The following LCORL variants were observed in gnomAD, a reference collection of about 807,000 sequenced individuals.
The protein encoded by LCORL is ligand-dependent nuclear receptor corepressor-like protein.
Under a neutral mutation model 141.8 loss-of-function variants are expected in LCORL, and 41 were observed. The ratio of observed to expected loss-of-function variants is 0.29; its 90% CI spans 0.23 to 0.38. LCORL has a LOEUF of 0.38. Among genes scored for constraint, LCORL ranks in the 10% least tolerant of loss-of-function variants. The pLI, the probability that LCORL is intolerant of heterozygous loss-of-function variation, is 1.00. For synonymous variants in LCORL, 618 were observed against 694.1 expected (o/e 0.89, Z 1.72); for missense variants, 1,759 against 2,035.0 (o/e 0.86, Z 2.61).
intron 1 of LCORL, among the ~76,000 whole-genome samples, chr4:17,974,412 T>G (rs1716549583): frequency 6.6e-6 from 1 of 152,164 alleles, no homozygotes; most frequent in Admixed American, 6.6e-5. Context: ...GTCAACTTTA[T>G]TGAGGTATAA....
At chr4:17,904,137 T>C (rs16896001) in intron 5 of LCORL, among the ~76,000 whole-genome samples, 5,805 of 152,138 alleles carry the variant, frequency 0.038, 371 homozygotes, top group African/African-American at 0.13. Context: ...TAAATACTTA[T>C]TCACTCAGAG....
intron 4 of LCORL, among the ~76,000 whole-genome samples, chr4:17,948,839 G>A (rs1739287243): frequency 1.3e-5 from 2 of 151,968 alleles, no homozygotes; most frequent in South Asian, 4.2e-4. Flanking sequence ...ATTTTCAGAG[G>A]AGTAAAGAGA....
exon 8 of LCORL, chr4:17,842,448 C>CTAA: frequency 2.3e-6 from 3 of 1,289,236 alleles, no homozygotes; most frequent in Non-Finnish European, 3.4e-6. Flanking sequence ...TAGAAAAAAA[C>CTAA]TAATTTTCTT....
At chr4:17,902,753 A>C (rs928187144) in intron 5 of LCORL, among the ~76,000 whole-genome samples, 1 of 152,086 alleles carries the variant, frequency 6.6e-6, no homozygotes, top group Non-Finnish European at 1.5e-5. Context: ...ATAGTCTCTC[A>C]AATAGTCACT....
At chr4:18,019,199 C>T (rs13112545) in intron 1 of LCORL, among the ~76,000 whole-genome samples, 30,868 of 152,058 alleles carry the variant, frequency 0.2, 3,969 homozygotes, top group African/African-American at 0.36. Context: ...ATTATCTGGG[C>T]GTGGTGGCGG....
intron 4 of LCORL, among the ~76,000 whole-genome samples, chr4:17,950,180 T>C (rs548702060): frequency 2.0e-5 from 3 of 152,272 alleles, no homozygotes; most frequent in African/African-American, 4.8e-5. Context: ...AAGGAAGCAA[T>C]GCTTATTTTA....
chr4:17,965,329 C>G (rs558954728), intron 2 of LCORL, among the ~76,000 whole-genome samples: 1 of 152,048 alleles, frequency 6.6e-6, no homozygotes, highest in African/African-American at 2.4e-5. Flanking sequence ...AAAATCAACT[C>G]TAGGCCAGAT....
At chr4:17,889,356 A>G (rs1239956855) in intron 5 of LCORL, among the ~76,000 whole-genome samples, 1 of 152,090 alleles carries the variant, frequency 6.6e-6, no homozygotes, top group African/African-American at 2.4e-5. Context: ...GTTTTATTCT[A>G]AAAGGATTTG....
exon 7 of LCORL, chr4:17,877,849 C>T (rs921681242): frequency 4.9e-6 from 6 of 1,230,526 alleles, no homozygotes; most frequent in East Asian, 3.2e-5. Context: ...ACTGGCTTAA[C>T]GTGTTCAACA....
rs778784454 is a variant in LCORL, at chr4:17,865,673, A to G, written c.5602+7715T>C. Among the ~76,000 whole-genome samples the G allele has an allele frequency of 2.6e-4, 40 of 152,272 alleles. 1 individual carries two copies. Among genetic ancestry groups the G allele is most frequent in the Non-Finnish European group, 4.8e-4 (33 of 68,052 alleles). ...AGTAAATAATCTTCCTTCTACCACT[A>G]TAACACTTACACTCTATTACCAGTG... On this transcript the variant is annotated intron_variant, in intron 7 of 7. Transcript: ENST00000635767.
chr4:17,887,539 A>G (rs35316206), intron 5 of LCORL, among the ~76,000 whole-genome samples: 5 of 152,280 alleles, frequency 3.3e-5, no homozygotes, highest in South Asian at 2.1e-4. Context: ...GTGATATGGA[A>G]CCATGTCTGG....
At chr4:18,019,375 T>C (rs1011316280) in intron 1 of LCORL, among the ~76,000 whole-genome samples, 7 of 152,286 alleles carry the variant, frequency 4.6e-5, no homozygotes, top group Non-Finnish European at 8.8e-5. Context: ...AGACAGGTTT[T>C]AATAGGGCTT....
At chr4:17,948,836 G>A (rs1739286899) in intron 4 of LCORL, among the ~76,000 whole-genome samples, 1 of 152,040 alleles carries the variant, frequency 6.6e-6, no homozygotes, top group Admixed American at 6.6e-5. Context: ...ACAATTTTCA[G>A]AGGAGTAAAG....
At chr4:17,908,708 GATAA>G (rs1414165074) in intron 5 of LCORL, among the ~76,000 whole-genome samples, 2 of 151,986 alleles carry the variant, frequency 1.3e-5, no homozygotes, top group African/African-American at 2.4e-5. Context: ...ACAACTGGAA[GATAA>G]ATAATCTATT....
intron 1 of LCORL, among the ~76,000 whole-genome samples, chr4:18,019,207 C>T (rs922367723): frequency 2.0e-5 from 3 of 152,186 alleles, no homozygotes; most frequent in Admixed American, 6.5e-5. Flanking sequence ...GGCGTGGTGG[C>T]GGACGCCTGT....
In LCORL at chr4:17,876,580, A is replaced by C. The variant is rs916923940; in HGVS notation, c.2410T>G (p.Ser804Ala). 16 of 1,230,574 alleles carry C rather than the reference A, an allele frequency of 1.3e-5. No homozygotes were observed. The Admixed American group carries it at 4.2e-4, about 33-fold the overall frequency. 76.2% of individuals were successfully genotyped at this position (1,230,574 alleles called of 1,614,324 possible). The change falls in exon 7 of 8, where the codon TCC (serine) becomes GCC (alanine). Residue 804 changes from serine to alanine, a missense_variant. By Grantham distance (99) the Ser-to-Ala change is moderately conservative. Around this residue, in one of 5 missense-constraint regions of LCORL, gnomAD observed 1,311 missense variants for 1,531.3 expected, o/e 0.86. Transcript: ENST00000635767. ...TTCACTGGATCGTTTTTTGTTGTGG[A>C]TTCGGATACTTTTTTGGCTTTAGGG... is the stretch of plus-strand genomic sequence containing the variant.
At chr4:18,000,016 A>G (rs1721658623) in intron 1 of LCORL, among the ~76,000 whole-genome samples, 1 of 152,220 alleles carries the variant, frequency 6.6e-6, no homozygotes, top group South Asian at 2.1e-4. Context: ...AAAAACTTTT[A>G]GCACAATTTG....
At chr4:17,881,589 T>G in intron 6 of LCORL, 13 of 980,462 alleles carry the variant, frequency 1.3e-5, no homozygotes, top group Non-Finnish European at 1.6e-5. Context: ...AGCAAAATGA[T>G]CCCTGATTTA....
chr4:17,963,417 A>C (rs913925573), intron 2 of LCORL, among the ~76,000 whole-genome samples: 2 of 151,974 alleles, frequency 1.3e-5, no homozygotes, highest in African/African-American at 2.4e-5. Flanking sequence ...GGAGGAAATA[A>C]ACTTTGCACA....
Sources: gnomAD v4.1 joint callset for allele counts (sites outside exome capture counted in the v4.1 genomes callset) on GRCh38, gnomAD v4.1.1 for gene constraint, gnomAD v4.1.1 regional missense constraint, MANE v1.5 for transcripts, NCBI Gene and HGNC (gene_info 2026-07-23, HGNC 2026-07-21) for gene names.